Variants in GRIN3A observed in about 807,000 individuals in gnomAD.
GRIN3A encodes glutamate receptor ionotropic, NMDA 3A.
A neutral mutation model predicts 92.4 loss-of-function variants in GRIN3A; 47 were observed. That is an observed-to-expected ratio of 0.51 (90% CI 0.40 to 0.65). GRIN3A has a LOEUF of 0.65. GRIN3A is among the 30% of genes least tolerant of loss of function. The probability of loss-of-function intolerance (pLI) is 0.00; values close to 1 mark genes in which losing one functional copy is unlikely to be tolerated. For missense variants in GRIN3A, 1,324 were observed against 1,393.1 expected (o/e 0.95, Z 0.79); for synonymous variants, 527 against 540.6 (o/e 0.97, Z 0.35).
At chr9:101,674,463 T>C (rs1301756946) in intron 2 of GRIN3A, among the ~76,000 whole-genome samples, 1 of 149,928 alleles carries the variant, frequency 6.7e-6, no homozygotes, top group Non-Finnish European at 1.5e-5. Flanking sequence ...AATCAAGAGA[T>C]ATTTTGTTTT....
At chr9:101,631,253 TA>T (rs1162242879) in intron 3 of GRIN3A, among the ~76,000 whole-genome samples, 1 of 152,196 alleles carries the variant, frequency 6.6e-6, no homozygotes, top group East Asian at 1.9e-4. Flanking sequence ...GATGAGTAAT[TA>T]ATTGATAACT....
intron 6 of GRIN3A, among the ~76,000 whole-genome samples, chr9:101,599,868 T>C (rs1159820454): frequency 6.6e-6 from 1 of 152,212 alleles, no homozygotes; most frequent in Non-Finnish European, 1.5e-5. Context: ...CTCACCTTTC[T>C]GTAGCATTGC....
intron 6 of GRIN3A, among the ~76,000 whole-genome samples, chr9:101,604,207 GGAAT>G (rs1380613508): frequency 6.6e-6 from 1 of 151,782 alleles, no homozygotes; most frequent in East Asian, 1.9e-4. Context: ...AGAAAGGGAA[GGAAT>G]GAAGGAAAGG....
intron 1 of GRIN3A, among the ~76,000 whole-genome samples, chr9:101,714,082 T>C (rs760766015): frequency 4.6e-5 from 7 of 151,890 alleles, no homozygotes; most frequent in Admixed American, 2.0e-4. Context: ...TTACAAATGG[T>C]ATAGAAAAAG....
chr9:101,644,460 CA>C (rs35576054), intron 3 of GRIN3A, among the ~76,000 whole-genome samples: 4,312 of 95,110 alleles, frequency 0.045, 107 homozygotes, highest in African/African-American at 0.12. Flanking sequence ...ATTAGTCACT[CA>C]AAAAAAAAAA....
chr9:101,641,228 C>A (rs949058460), intron 3 of GRIN3A, among the ~76,000 whole-genome samples: 1 of 152,130 alleles, frequency 6.6e-6, no homozygotes, highest in Non-Finnish European at 1.5e-5. Context: ...GTCAGTTTGG[C>A]GATTCCTCAG....
intron 6 of GRIN3A, chr9:101,594,419 A>G (rs756120221): frequency 3.1e-6 from 5 of 1,603,546 alleles, no homozygotes; most frequent in Non-Finnish European, 8.5e-7. Flanking sequence ...TCATACGATG[A>G]GGACCAGCTT....
intron 1 of GRIN3A, among the ~76,000 whole-genome samples, chr9:101,728,177 C>T (rs2119038863): frequency 6.6e-6 from 1 of 152,250 alleles, no homozygotes; most frequent in African/African-American, 2.4e-5. Context: ...GAATGTTGAA[C>T]TTTACGAAAA....
intron 1 of GRIN3A, among the ~76,000 whole-genome samples, chr9:101,732,491 A>G (rs1442209136): frequency 6.6e-6 from 1 of 152,144 alleles, no homozygotes; most frequent in Non-Finnish European, 1.5e-5. Context: ...TAATACAGAA[A>G]CAGTACTGTG....
chr9:101,593,727 C>T (rs553190763), intron 6 of GRIN3A: 1 of 152,324 alleles, frequency 6.6e-6, no homozygotes, highest in Non-Finnish European at 1.5e-5. Flanking sequence ...GGCACTTAGT[C>T]CAGGCTTAGC....
At chr9:101,677,023 CT>C (rs775778979) in intron 2 of GRIN3A, among the ~76,000 whole-genome samples, 130 of 144,860 alleles carry the variant, frequency 9.0e-4, no homozygotes, top group Middle Eastern at 7.2e-3. Context: ...CTTATGTAGT[CT>C]TTTTTTTTTT....
At chr9:101,606,900 A>C (rs1157222540) in intron 6 of GRIN3A, among the ~76,000 whole-genome samples, 1 of 145,746 alleles carries the variant, frequency 6.9e-6, no homozygotes. Flanking sequence ...AGTTGAAAAA[A>C]ATTACATTTT....
At chr9:101,595,030 AG>A (rs1828100582) in intron 6 of GRIN3A, 1 of 1,115,978 alleles carries the variant, frequency 9.0e-7, no homozygotes, top group Non-Finnish European at 1.2e-6. Context: ...GTGGGGGTAG[AG>A]GGCTCCCGGG....
intron 1 of GRIN3A, among the ~76,000 whole-genome samples, chr9:101,689,531 C>T (rs1259836442): frequency 1.3e-5 from 2 of 152,126 alleles, no homozygotes; most frequent in Non-Finnish European, 2.9e-5. Flanking sequence ...CTCACCCCTA[C>T]AAACAATTCT....
chr9:101,627,328 T>A (rs546987717), intron 4 of GRIN3A, among the ~76,000 whole-genome samples: 2 of 152,342 alleles, frequency 1.3e-5, no homozygotes, highest in South Asian at 4.1e-4. Context: ...ATAAAATTTT[T>A]TAAGTGGCAT....
At chr9:101,704,508 A>G (rs2119005127) in intron 1 of GRIN3A, among the ~76,000 whole-genome samples, 1 of 152,346 alleles carries the variant, frequency 6.6e-6, no homozygotes, top group East Asian at 1.9e-4. Context: ...AGCAAAAGCA[A>G]TACACATTCA....
intron 6 of GRIN3A, chr9:101,593,566 G>C (rs1173184495): frequency 2.6e-5 from 4 of 152,210 alleles, no homozygotes; most frequent in Non-Finnish European, 5.9e-5. Flanking sequence ...GTCTCCACCT[G>C]GGGGTAGGGA....
At chr9:101,645,193 C>T (rs1487669203) in intron 3 of GRIN3A, among the ~76,000 whole-genome samples, 3 of 151,778 alleles carry the variant, frequency 2.0e-5, no homozygotes, top group Non-Finnish European at 4.4e-5. Flanking sequence ...CATCATTCTA[C>T]TCTCTGTCTC....
chr9:101,623,756 A>G lies in GRIN3A; in HGVS notation c.2499-323T>C, dbSNP rs190045123. Among the ~76,000 whole-genome samples the G allele has an allele frequency of 4.4e-3, 670 of 152,332 alleles. 6 individuals carry two copies. Among genetic ancestry groups the G allele is most frequent in the Non-Finnish European group, 8.1e-3 (550 of 68,038 alleles). On this transcript the variant is annotated intron_variant, in intron 4 of 8. Coordinates refer to ENST00000361820, the MANE Select transcript of GRIN3A (RefSeq NM_133445.3). ...CATAGAGAATGTTTATTCTTATTAC[A>G]CTGTTAGAGGGACTTCTTGTTGTTA...
Sources: gnomAD v4.1 joint callset for allele counts (sites outside exome capture counted in the v4.1 genomes callset) on GRCh38, gnomAD v4.1.1 for gene constraint, MANE v1.5 for transcripts, NCBI Gene and HGNC (gene_info 2026-07-23, HGNC 2026-07-21) for gene names.